Variants in RBFOX1 observed in about 807,000 individuals in gnomAD.
RBFOX1 encodes RNA binding protein fox-1 homolog 1.
Under a neutral mutation model 57.7 loss-of-function variants are expected in RBFOX1, and 8 were observed. That is an observed-to-expected ratio of 0.14 (90% CI 0.08 to 0.25). RBFOX1 has a LOEUF of 0.25. RBFOX1 is among the 10% of genes least tolerant of loss of function. RBFOX1 has a pLI of 1.00. For synonymous variants in RBFOX1, 326 were observed against 222.4 expected, an observed-to-expected ratio of 1.47 and a Z score of -4.15; for missense variants, 611 against 548.5, an observed-to-expected ratio of 1.11 and a Z score of -1.14.
At chr16:7,172,067 A>AT (rs2080811023) in intron 4 of RBFOX1, among the ~76,000 whole-genome samples, 1 of 151,770 alleles carries the variant, frequency 6.6e-6, no homozygotes, top group Non-Finnish European at 1.5e-5. Context: ...GGCAATTTAG[A>AT]AAAAAATATT....
intron 4 of RBFOX1, among the ~76,000 whole-genome samples, chr16:5,967,015 A>G (rs917900361): frequency 7.4e-6 from 1 of 135,686 alleles, no homozygotes; most frequent in Non-Finnish European, 1.6e-5. Flanking sequence ...TCAATAAATG[A>G]TAGCTCAGGT....
At chr16:5,836,378 A>G (rs1035444573) in intron 3 of RBFOX1, among the ~76,000 whole-genome samples, 2 of 152,140 alleles carry the variant, frequency 1.3e-5, no homozygotes, top group African/African-American at 2.4e-5. Context: ...TTCCTCTGCA[A>G]ACATCTGGGA....
intron 1 of RBFOX1, among the ~76,000 whole-genome samples, chr16:5,436,502 C>T (rs990245982): frequency 6.6e-6 from 1 of 152,188 alleles, no homozygotes; most frequent in Non-Finnish European, 1.5e-5. Flanking sequence ...CCTCAGAACT[C>T]GTCTTTTTTA....
At chr16:7,632,263 C>T (rs1232343728) in intron 11 of RBFOX1, among the ~76,000 whole-genome samples, 3 of 152,196 alleles carry the variant, frequency 2.0e-5, no homozygotes, top group Non-Finnish European at 4.4e-5. Context: ...AGACATTTTT[C>T]TGTGCCTCCC....
intron 2 of RBFOX1, among the ~76,000 whole-genome samples, chr16:5,550,431 C>A (rs1459225759): frequency 6.6e-6 from 1 of 152,166 alleles, no homozygotes; most frequent in Admixed American, 6.5e-5. Context: ...TCTGTTGGAT[C>A]CATCAGCCAC....
chr16:7,221,367 T>TTTATTTATTTA (rs79065821), intron 4 of RBFOX1, among the ~76,000 whole-genome samples: 161 of 109,606 alleles, frequency 1.5e-3, no homozygotes, highest in East Asian at 6.2e-3. Context: ...TTATTTATTT[T>TTTATTTATTTA]TTTATTTATT....
intron 2 of RBFOX1, among the ~76,000 whole-genome samples, chr16:6,636,674 A>C (rs536203763): frequency 2.0e-5 from 3 of 149,506 alleles, no homozygotes; most frequent in Non-Finnish European, 4.4e-5. Context: ...GAGCTACATC[A>C]CATAAACATT....
intron 4 of RBFOX1, among the ~76,000 whole-genome samples, chr16:7,331,488 ACAATTTGATTG>A (rs1332980724): frequency 7.2e-5 from 11 of 152,358 alleles, no homozygotes; most frequent in South Asian, 6.2e-4. Flanking sequence ...TAGAAGACTG[ACAATTTGATTG>A]TTATCTGAGC....
rs536422261 is a variant in RBFOX1 at position 6,688,498 on chromosome 16, A to G, written c.-16+33848A>G. On this transcript the variant is annotated intron_variant, in intron 3 of 15. Coordinates refer to ENST00000550418, the MANE Select transcript of RBFOX1 (RefSeq NM_018723.4). ...CAGTGGGGATTTTCATTTTCTCCAT[A>G]TAAGAAGTGAGGAGAGAGAGGTTGA... 5.9e-5 allele frequency among the ~76,000 whole-genome samples: 9 copies of G among 152,288 alleles called. 1 individual carries two copies. The South Asian group carries it at 8.3e-4, about 14-fold the overall frequency.
At chr16:7,343,064 C>G (rs527559061) in intron 4 of RBFOX1, among the ~76,000 whole-genome samples, 2 of 152,126 alleles carry the variant, frequency 1.3e-5, no homozygotes, top group Admixed American at 6.5e-5. Flanking sequence ...CCTGTCCCCT[C>G]CGTTCCATGT....
At chr16:5,380,682 C>T (rs556348658) in intron 1 of RBFOX1, among the ~76,000 whole-genome samples, 2 of 152,302 alleles carry the variant, frequency 1.3e-5, no homozygotes, top group African/African-American at 2.4e-5. Context: ...GATGAGGAAA[C>T]TGAGTCACAG....
At chr16:7,603,932 G>A (rs2095170439) in intron 9 of RBFOX1, among the ~76,000 whole-genome samples, 1 of 152,134 alleles carries the variant, frequency 6.6e-6, no homozygotes, top group East Asian at 1.9e-4. Context: ...GGGGGAAGGA[G>A]GAGGAAGAGG....
chr16:6,626,841 CA>C (rs1726752309), intron 2 of RBFOX1, among the ~76,000 whole-genome samples: 1 of 152,060 alleles, frequency 6.6e-6, no homozygotes, highest in Non-Finnish European at 1.5e-5. Context: ...GTGTTGTAAA[CA>C]TGCTTTTATG....
At chr16:6,448,274 C>T (rs1050763308) in intron 2 of RBFOX1, among the ~76,000 whole-genome samples, 5 of 144,506 alleles carry the variant, frequency 3.5e-5, no homozygotes, top group Admixed American at 7.2e-5. Flanking sequence ...ATTCTCCTAT[C>T]TTAGCCTCCC....
intron 1 of RBFOX1, chr16:5,271,007 C>G: frequency 3.5e-6 from 1 of 289,670 alleles, no homozygotes; most frequent in South Asian, 3.5e-5. Flanking sequence ...GAAAAACAAA[C>G]AATAAACAAC....
chr16:6,613,620 T>A (rs1173798667), intron 2 of RBFOX1, among the ~76,000 whole-genome samples: 2 of 152,026 alleles, frequency 1.3e-5, no homozygotes, highest in African/African-American at 2.4e-5. Flanking sequence ...AAGATGCCCA[T>A]GTTTTATTCA....
At chr16:6,807,846 A>G (rs142492367) in intron 3 of RBFOX1, among the ~76,000 whole-genome samples, 2 of 151,882 alleles carry the variant, frequency 1.3e-5, no homozygotes, top group African/African-American at 2.4e-5. Context: ...ATATAGTTCT[A>G]TTGAATATGT....
chr16:7,243,060 A>C (rs1163979795), intron 4 of RBFOX1, among the ~76,000 whole-genome samples: 1 of 152,176 alleles, frequency 6.6e-6, no homozygotes, highest in East Asian at 1.9e-4. Context: ...GTAATATAAT[A>C]ATATATTCCC....
At position 6,339,514 on chromosome 16, in the gene RBFOX1, G is replaced by A. The variant is rs190115050; in HGVS notation, c.-64+22457G>A. ...TCATTCATTGATCAAAGAGGTCATC[G>A]TAAAGTCATGGACAGGGAGGTAAAC... On this transcript the variant is annotated intron_variant, in intron 2 of 15. Coordinates refer to ENST00000550418, the MANE Select transcript of RBFOX1 (RefSeq NM_018723.4). Among the ~76,000 whole-genome samples the A allele has an allele frequency of 2.9e-3, 440 of 152,232 alleles. 2 individuals are homozygous for A. The highest frequency in any genetic ancestry group is 4.7e-3 in the Non-Finnish European group (321 of 68,008).
Sources: gnomAD v4.1 joint callset for allele counts (sites outside exome capture counted in the v4.1 genomes callset) on GRCh38, gnomAD v4.1.1 for gene constraint, MANE v1.5 for transcripts, NCBI Gene and HGNC (gene_info 2026-07-23, HGNC 2026-07-21) for gene names.